GREB1L: variants seen among roughly 807,000 people sequenced by gnomAD.
The protein encoded by GREB1L is GREB1 like retinoic acid receptor coactivator.
In GREB1L, 17 loss-of-function variants were observed where a neutral mutation model predicts 200.8. The ratio of observed to expected loss-of-function variants is 0.08; its 90% CI spans 0.06 to 0.13. The LOEUF (loss-of-function observed/expected upper bound fraction) is 0.13, where lower values mean the gene tolerates loss of function less well. Among genes scored for constraint, GREB1L ranks in the 10% least tolerant of loss-of-function variants. The pLI is 1.00. For missense variants in GREB1L, 1,657 were observed against 2,367.7 expected, an observed-to-expected ratio of 0.70 and a Z score of 6.23; for synonymous variants, 789 against 893.0, an observed-to-expected ratio of 0.88 and a Z score of 2.08.
At chr18:21,372,379 C>T (rs1158515273) in intron 2 of GREB1L, among the ~76,000 whole-genome samples, 1 of 151,936 alleles carries the variant, frequency 6.6e-6, no homozygotes, top group Non-Finnish European at 1.5e-5. Flanking sequence ...AACTCCTGAC[C>T]TTGTGATCCA....
intron 1 of GREB1L, among the ~76,000 whole-genome samples, chr18:21,273,245 A>T (rs2038107074): frequency 6.6e-6 from 1 of 152,144 alleles, no homozygotes; most frequent in Non-Finnish European, 1.5e-5. Context: ...ACAAAAAACA[A>T]AAGTTTGTAG....
In GREB1L at chr18:21,480,709, C is replaced by G. The variant is rs1323725910; in HGVS notation, c.2556+3353C>G. On this transcript the variant is annotated intron_variant, in intron 17 of 32. Coordinates refer to ENST00000424526, the MANE Select transcript of GREB1L (RefSeq NM_001142966.3). ...ACTTGTGGACTTGTGTTGAATCTTG[C>G]AAAGAACACACAGAAAACTGATGGT... Among the ~76,000 whole-genome samples the G allele has an allele frequency of 3.3e-5, 5 of 151,986 alleles. No homozygotes were observed. The South Asian group carries it at 8.3e-4, about 25-fold the overall frequency.
chr18:21,314,840 G>T (rs961566887), intron 1 of GREB1L, among the ~76,000 whole-genome samples: 2 of 152,190 alleles, frequency 1.3e-5, no homozygotes, highest in African/African-American at 4.8e-5. Flanking sequence ...GCTAGATTTG[G>T]TGGGAGAGCA....
Position 21,524,948 on chromosome 18 carries a change from T to TTGAG in GREB1L, c.*2129_*2132dup, listed in dbSNP as rs943306505. Reference sequence around the variant, plus strand: ...AATCATCTTATCATCAGTATAATTCTTGAGTATGTTAGGTCCTTCTTTAAG... The same window carrying TTGAG: ...AATCATCTTATCATCAGTATAATTCTTGAGTGAGTATGTTAGGTCCTTCTTTAAG... On this transcript the variant is annotated 3_prime_UTR_variant, in exon 33 of 33. Transcript: ENST00000424526. The TTGAG allele has an allele frequency of 3.3e-5, 5 of 151,900 alleles. No individual in the cohort carries two copies. Among genetic ancestry groups the TTGAG allele is most frequent in the African/African-American group, 1.2e-4 (5 of 41,512 alleles). 9.4% of individuals were successfully genotyped at this position (151,900 alleles called of 1,614,324 possible). A position where few individuals can be genotyped will look rare whatever the true frequency, so the allele number is the denominator to read the frequency against.
chr18:21,520,392 T>C (rs978637788), intron 31 of GREB1L, among the ~76,000 whole-genome samples: 2 of 152,232 alleles, frequency 1.3e-5, no homozygotes, highest in African/African-American at 4.8e-5. Flanking sequence ...TTTTTTAAAT[T>C]TGATAAAGAC....
chr18:21,265,987 A>G (rs1339820322), intron 1 of GREB1L, among the ~76,000 whole-genome samples: 1 of 152,208 alleles, frequency 6.6e-6, no homozygotes, highest in East Asian at 1.9e-4. Context: ...AAAAAAACCC[A>G]TAAGGATCTG....
At chr18:21,470,885 A>G (rs1178266685) in intron 15 of GREB1L, among the ~76,000 whole-genome samples, 1 of 152,212 alleles carries the variant, frequency 6.6e-6, no homozygotes, top group Non-Finnish European at 1.5e-5. Flanking sequence ...CACTTTCATT[A>G]TGAGGAAAAA....
intron 1 of GREB1L, among the ~76,000 whole-genome samples, chr18:21,365,572 T>C (rs2039659536): frequency 6.6e-6 from 1 of 152,200 alleles, no homozygotes; most frequent in Non-Finnish European, 1.5e-5. Context: ...ATAGTAATTA[T>C]GTTTTACGTT....
intron 21 of GREB1L, among the ~76,000 whole-genome samples, chr18:21,498,730 G>A (rs528359024): frequency 2.6e-5 from 4 of 152,212 alleles, no homozygotes; most frequent in Non-Finnish European, 5.9e-5. Context: ...TGACTCAGAG[G>A]GTGACGGGGA....
chr18:21,368,948 C>G (rs2039772550), intron 2 of GREB1L, among the ~76,000 whole-genome samples: 1 of 152,078 alleles, frequency 6.6e-6, no homozygotes, highest in African/African-American at 2.4e-5. Flanking sequence ...TCATAGCCAA[C>G]TTTGCAAACA....
chr18:21,275,432 A>T (rs1447453700), intron 1 of GREB1L, among the ~76,000 whole-genome samples: 1 of 152,078 alleles, frequency 6.6e-6, no homozygotes, highest in Non-Finnish European at 1.5e-5. Context: ...GCTGAAGTGC[A>T]GTAGCAGTAT....
chr18:21,343,091 A>T (rs1011924391), intron 1 of GREB1L, among the ~76,000 whole-genome samples: 1 of 152,062 alleles, frequency 6.6e-6, no homozygotes, highest in African/African-American at 2.4e-5. Flanking sequence ...CAGCCTTGCC[A>T]TTTAGTACCT....
At chr18:21,492,643 A>G (rs2036387742) in intron 19 of GREB1L, among the ~76,000 whole-genome samples, 1 of 152,218 alleles carries the variant, frequency 6.6e-6, no homozygotes, top group Non-Finnish European at 1.5e-5. Flanking sequence ...CTGCTAGCTC[A>G]TCAGAATCAC....
intron 1 of GREB1L, among the ~76,000 whole-genome samples, chr18:21,337,941 C>G (rs1196880776): frequency 2.0e-5 from 3 of 151,734 alleles, no homozygotes; most frequent in Non-Finnish European, 4.4e-5. Flanking sequence ...GAGCCGAGAT[C>G]GCACCACTGC....
chr18:21,278,388 AAAAAT>A (rs1159350930), intron 1 of GREB1L, among the ~76,000 whole-genome samples: 43 of 138,436 alleles, frequency 3.1e-4, no homozygotes, highest in African/African-American at 1.1e-3. Flanking sequence ...CTCAAAAAAA[AAAAAT>A]AAATAAATAA....
intron 1 of GREB1L, among the ~76,000 whole-genome samples, chr18:21,293,737 C>T (rs1292576150): frequency 2.0e-5 from 3 of 152,096 alleles, no homozygotes; most frequent in Non-Finnish European, 4.4e-5. Context: ...AAGACATGGT[C>T]CCTATCCATT....
In GREB1L at chr18:21,449,799, G is replaced by A. The variant is rs1422032806; in HGVS notation, c.1683G>A (p.Ser561=). 8 of 1,541,708 alleles carry A rather than the reference G, an allele frequency of 5.2e-6. No individual in the cohort carries two copies. The highest frequency in any genetic ancestry group is 6.1e-6 in the Non-Finnish European group (7 of 1,140,406). The change falls in exon 12 of 33, where the codon TCG becomes TCA. Residue 561 remains serine (S), a synonymous_variant. Transcript: ENST00000424526. The stretch of plus-strand genomic sequence containing the variant: ...ATTATGTGGTGGTAATTTGTGCATC[G>A]AAAATCAGAGGAAATGAATTTTGTG... ...LPDYVVVICA[S]KIRGNEFCVV... is the part of the protein sequence containing the mutation.
At chr18:21,319,601 A>G (rs532514050) in intron 1 of GREB1L, among the ~76,000 whole-genome samples, 42 of 152,238 alleles carry the variant, frequency 2.8e-4, no homozygotes, top group Non-Finnish European at 5.4e-4. Context: ...TAAAAAGGCA[A>G]CTAGGAAAAA....
At chr18:21,482,782 G>A (rs1249587835) in intron 17 of GREB1L, among the ~76,000 whole-genome samples, 4 of 151,890 alleles carry the variant, frequency 2.6e-5, no homozygotes, top group Middle Eastern at 3.4e-3. Context: ...CGCCCGCAGC[G>A]AAAGCACAGG....
Sources: gnomAD v4.1 joint callset for allele counts (sites outside exome capture counted in the v4.1 genomes callset) on GRCh38, gnomAD v4.1.1 for gene constraint, MANE v1.5 for transcripts, NCBI Gene and HGNC (gene_info 2026-07-23, HGNC 2026-07-21) for gene names.